Variants in SOD2 observed in about 807,000 individuals in gnomAD.
The protein encoded by SOD2 is superoxide dismutase 2.
SOD2 carries 11 observed loss-of-function variants against 27.0 expected under a neutral mutation model. The observed-to-expected ratio is 0.41, with a 90% CI of 0.26 to 0.67. SOD2 has a LOEUF of 0.67. Among genes scored for constraint, SOD2 ranks in the 30% least tolerant of loss-of-function variants. SOD2 has a pLI of 0.34. For synonymous variants in SOD2, 105 were observed against 103.0 expected (o/e 1.02, Z -0.12); for missense variants, 250 against 274.5 (o/e 0.91, Z 0.63).
intron 3 of SOD2, among the ~76,000 whole-genome samples, chr6:159,686,865 G>A (rs752183896): frequency 1.7e-4 from 26 of 152,054 alleles, no homozygotes; most frequent in Non-Finnish European, 2.8e-4. Flanking sequence ...CTACATTTAC[G>A]CCTCATGCCC....
rs551933152 is a variant in SOD2, at chr6:159,712,019, A to G, written c.-116+15110T>C. Reference sequence around the variant, plus strand: ...GACCTCCATAACCACCTCCATAACCACCACTCACACTGCTCAGACCTCCAT... The same window carrying G: ...GACCTCCATAACCACCTCCATAACCGCCACTCACACTGCTCAGACCTCCAT... On this transcript the variant is annotated intron_variant, in intron 1 of 2. Transcript: ENST00000401980. Among the ~76,000 whole-genome samples the G allele has an allele frequency of 3.7e-5, 2 of 54,070 alleles. 1 individual carries two copies. The highest frequency in any genetic ancestry group is 1.7e-3 in the South Asian group (2 of 1,212). The allele number at this position is 54,070 out of a possible 152,430, so 35.5% of individuals were successfully genotyped here.
chr6:159,729,168 T>G (rs1468362978), upstream of SOD2, among the ~76,000 whole-genome samples: 1 of 152,258 alleles, frequency 6.6e-6, no homozygotes, highest in Admixed American at 6.5e-5. Context: ...TGGTCTTGTA[T>G]GTAGTATTGA....
At chr6:159,718,662 A>C (rs1777969973) in intron 1 of SOD2, among the ~76,000 whole-genome samples, 2 of 152,208 alleles carry the variant, frequency 1.3e-5, no homozygotes, top group Admixed American at 1.3e-4. Context: ...TCAGTATAAA[A>C]TCCACTAGAT....
intron 1 of SOD2, among the ~76,000 whole-genome samples, chr6:159,710,270 C>CATATATAT (rs141490345): frequency 0.082 from 11,684 of 143,258 alleles, 614 homozygotes; most frequent in South Asian, 0.11. Flanking sequence ...AGTATAAATA[C>CATATATAT]ATATATATAT....
intron 1 of SOD2, among the ~76,000 whole-genome samples, chr6:159,710,270 C>CATATATATATATATATATATATAT (rs141490345): frequency 2.1e-5 from 3 of 143,476 alleles, no homozygotes; most frequent in African/African-American, 7.9e-5. Context: ...AGTATAAATA[C>CATATATATATATATATATATATAT]ATATATATAT....
rs140802539 is a variant in SOD2 at position 159,735,543 on chromosome 6, G to A, written c.-116+9587C>T. On this transcript the variant is annotated intron_variant, in intron 1 of 3. Transcript: ENST00000537657. ...AGGCGGACGGGTTGCAATGTCAGGA[G>A]TTCGAGACCAGCCTGACCAACACGG... is the stretch of plus-strand genomic sequence containing the variant. Among the ~76,000 whole-genome samples the A allele has an allele frequency of 6.0e-3, 909 of 152,302 alleles. 9 individuals carry two copies. The highest frequency in any genetic ancestry group is 0.021 in the African/African-American group (880 of 41,568).
At chr6:159,734,375 CAAAA>C (rs67668924) in intron 1 of SOD2, among the ~76,000 whole-genome samples, 1 of 130,766 alleles carries the variant, frequency 7.6e-6, no homozygotes, top group Non-Finnish European at 1.6e-5. Context: ...GACTCCATCT[CAAAA>C]AAAAAAAAAA....
Position 159,692,817 on chromosome 6 carries a change from G to A in SOD2, c.70C>T (p.Gln24Ter), listed in dbSNP as rs1304362674. 1.2e-6 allele frequency: 2 copies of A among 1,613,708 alleles called. No individual in the cohort carries two copies. The highest frequency in any genetic ancestry group is 1.7e-6 in the Non-Finnish European group (2 of 1,179,948). The part of the protein sequence containing the change: ...APVLGYLGSR[Q>*]KHSLPDLPYD... ...GGCAGGTCGGGGAGGCTGTGCTTCTGCCTGGAGCCCAGATACCCCAAAACC... is the reference window on the plus strand; with the variant it reads ...GGCAGGTCGGGGAGGCTGTGCTTCTACCTGGAGCCCAGATACCCCAAAACC... The change falls in exon 2 of 5, where the codon CAG becomes TAG. Residue 24 changes from glutamine (Q) to a stop codon, truncating the protein, a stop_gained. Coordinates refer to ENST00000538183, the MANE Select transcript of SOD2 (RefSeq NM_000636.4). LOFTEE classifies it high-confidence loss of function.
exon 1 of SOD2, chr6:159,762,069 C>A: frequency 3.1e-6 from 5 of 1,612,234 alleles, no homozygotes; most frequent in Middle Eastern, 1.7e-4. Context: ...GCAGGGCAGA[C>A]GGCGGCAGGA....
At chr6:159,749,483 CA>C (rs1408792016), upstream of SOD2, 1 of 971,514 alleles carries the variant, frequency 1.0e-6, no homozygotes. Flanking sequence ...TACTCTTTAA[CA>C]TTTTAATTTG....
chr6:159,701,257 G>A (rs1201134226), intron 1 of SOD2, among the ~76,000 whole-genome samples: 1 of 152,192 alleles, frequency 6.6e-6, no homozygotes, highest in Non-Finnish European at 1.5e-5. Flanking sequence ...TAGGCTGCTG[G>A]CCTGCTAGAG....
chr6:159,752,258 AC>A (rs758492275), intron 1 of SOD2, among the ~76,000 whole-genome samples: 32 of 152,222 alleles, frequency 2.1e-4, no homozygotes, highest in Non-Finnish European at 2.5e-4. Flanking sequence ...TCCTGGACTT[AC>A]CCCAAGGACA....
At chr6:159,712,314 CT>C (rs1777818007) in intron 1 of SOD2, among the ~76,000 whole-genome samples, 1 of 149,066 alleles carries the variant, frequency 6.7e-6, no homozygotes, top group African/African-American at 2.5e-5. Context: ...ATAACCACCA[CT>C]CACACTGCTC....
Position 159,750,647 on chromosome 6 carries a change from GCATTTTTC to G in SOD2, c.-335-1979_-335-1972del, listed in dbSNP as rs536740670. Among the ~76,000 whole-genome samples the G allele has an allele frequency of 6.3e-3, 955 of 151,972 alleles. 10 individuals are homozygous for G. The highest frequency in any genetic ancestry group is 0.022 in the African/African-American group (921 of 41,444). ...TGTTTTTTTTTACTTGGTCTCTTTG[GCATTTTTC>G]CATTTTTTAATGTATCTAGACAACT... On this transcript the variant is annotated intron_variant, in intron 1 of 7. Coordinates refer to the SOD2 transcript ENST00000546087.
chr6:159,747,557 T>C (rs150799114), upstream of SOD2, among the ~76,000 whole-genome samples: 1 of 152,358 alleles, frequency 6.6e-6, no homozygotes, highest in East Asian at 1.9e-4. Flanking sequence ...GCAACTCTTG[T>C]AGCTATAAGT....
intron 1 of SOD2, among the ~76,000 whole-genome samples, chr6:159,716,816 G>A (rs892626942): frequency 4.6e-5 from 7 of 152,112 alleles, no homozygotes; most frequent in African/African-American, 1.7e-4. Flanking sequence ...CAAAATTCCA[G>A]TAGCACACTT....
chr6:159,696,085 CAG>C (rs1777417141), upstream of SOD2, among the ~76,000 whole-genome samples: 1 of 152,196 alleles, frequency 6.6e-6, no homozygotes, highest in Admixed American at 6.5e-5. Flanking sequence ...ATTCCAGTAA[CAG>C]ATCCAACCAC....
At chr6:159,683,393 G>A in intron 4 of SOD2, among the ~76,000 whole-genome samples, 1 of 151,992 alleles carries the variant, frequency 6.6e-6, no homozygotes, top group East Asian at 1.9e-4. Flanking sequence ...GCTGACGCAG[G>A]AGAATTGCTT....
At chr6:159,734,281 T>G (rs1164675162) in intron 1 of SOD2, among the ~76,000 whole-genome samples, 2 of 150,934 alleles carry the variant, frequency 1.3e-5, no homozygotes, top group Non-Finnish European at 2.9e-5. Flanking sequence ...CCCAAAGTGC[T>G]GGGATTACAA....
Sources: gnomAD v4.1 joint callset for allele counts (sites outside exome capture counted in the v4.1 genomes callset) on GRCh38, gnomAD v4.1.1 for gene constraint, MANE v1.5 for transcripts, NCBI Gene and HGNC (gene_info 2026-07-23, HGNC 2026-07-21) for gene names.